The following ACTL8 variants were observed in gnomAD, a reference collection of about 807,000 sequenced individuals.
The protein encoded by ACTL8 is actin-like protein 8.
ACTL8 carries 3 observed loss-of-function variants against 9.3 expected under a neutral mutation model. The observed-to-expected ratio is 0.32, with a 90% CI of 0.15 to 0.83. The LOEUF (loss-of-function observed/expected upper bound fraction) is 0.83. Among genes scored for constraint, ACTL8 ranks in the 40% least tolerant of loss-of-function variants. The probability of loss-of-function intolerance (pLI) is 0.57; values close to 1 mark genes in which losing one functional copy is unlikely to be tolerated. For missense variants in ACTL8, 381 were observed against 492.2 expected, an observed-to-expected ratio of 0.77 and a Z score of 2.14; for synonymous variants, 224 against 205.9, an observed-to-expected ratio of 1.09 and a Z score of -0.75.
chr1:17,823,507 C>G lies in ACTL8; in HGVS notation c.348+151C>G. Reference sequence around the variant, plus strand: ...CCTGTAATCCCAACACTTTGGGACTCCCAGGCAGGCAGATTGCTTGAGCCC... The same window carrying G: ...CCTGTAATCCCAACACTTTGGGACTGCCAGGCAGGCAGATTGCTTGAGCCC... On this transcript the variant is annotated intron_variant, in intron 2 of 2. Transcript: ENST00000375406. This position sits in a 1 kb window ranked among gnomAD's most constrained non-coding sequence, Gnocchi z 5.3. 2 of 747,474 alleles carry G rather than the reference C, an allele frequency of 2.7e-6. No homozygotes were observed. Among genetic ancestry groups the G allele is most frequent in the South Asian group, 3.8e-5 (2 of 53,234 alleles). 46.3% of individuals were successfully genotyped at this position (747,474 alleles called of 1,614,324 possible). A position where few individuals can be genotyped will look rare whatever the true frequency, so the allele number is the denominator to read the frequency against.
intron 1 of ACTL8, among the ~76,000 whole-genome samples, chr1:17,817,077 G>A (rs945927667): frequency 6.6e-6 from 1 of 151,504 alleles, no homozygotes; most frequent in Non-Finnish European, 1.5e-5. Context: ...TTTTTTATTT[G>A]TTTTTTCATT....
At chr1:17,758,213 G>T (rs1015521765) in intron 1 of ACTL8, among the ~76,000 whole-genome samples, 1 of 152,184 alleles carries the variant, frequency 6.6e-6, no homozygotes, top group Non-Finnish European at 1.5e-5. Context: ...AGCAGATACC[G>T]AGGGGCAGCA....
Position 17,799,660 on chromosome 1 carries a change from C to T in ACTL8, c.-24-23325C>T, listed in dbSNP as rs575344328. On this transcript the variant is annotated intron_variant, in intron 1 of 2. Transcript: ENST00000375406. ...TGCCTTCTGTCTTGTTTTTAGAAGT[C>T]CTTCCCTTTACCAAGACCAAAAAAA... Among the ~76,000 whole-genome samples the T allele has an allele frequency of 2.6e-5, 4 of 151,964 alleles. No individual in the cohort carries two copies. The South Asian group carries it at 8.3e-4, about 32-fold the overall frequency.
At chr1:17,757,565 C>G (rs952926284) in intron 1 of ACTL8, among the ~76,000 whole-genome samples, 1 of 139,078 alleles carries the variant, frequency 7.2e-6, no homozygotes, top group African/African-American at 2.7e-5. Flanking sequence ...GTTAAGAAAC[C>G]CTGTGATAAT....
intron 1 of ACTL8, among the ~76,000 whole-genome samples, chr1:17,788,812 G>A (rs1042739522): frequency 1.3e-5 from 2 of 152,202 alleles, no homozygotes; most frequent in African/African-American, 4.8e-5. Context: ...CCACCATAGC[G>A]GGGATGTTGG....
At chr1:17,768,344 G>C (rs2066060715) in intron 1 of ACTL8, among the ~76,000 whole-genome samples, 1 of 152,216 alleles carries the variant, frequency 6.6e-6, no homozygotes, top group Non-Finnish European at 1.5e-5. Flanking sequence ...GGCGAGGCCT[G>C]GCCTGGCAGT....
chr1:17,808,695 G>A (rs1221258064), intron 1 of ACTL8, among the ~76,000 whole-genome samples: 1 of 152,200 alleles, frequency 6.6e-6, no homozygotes, highest in Non-Finnish European at 1.5e-5. Context: ...GATTCATAGT[G>A]GTCCGTGGAG....
chr1:17,799,964 C>T (rs908642625), intron 1 of ACTL8, among the ~76,000 whole-genome samples: 6 of 152,070 alleles, frequency 3.9e-5, no homozygotes, highest in African/African-American at 1.2e-4. Flanking sequence ...TGTTTTTATA[C>T]GAATGTCTTA....
intron 1 of ACTL8, among the ~76,000 whole-genome samples, chr1:17,772,877 TTG>T (rs1227572021): frequency 1.3e-5 from 2 of 152,002 alleles, no homozygotes; most frequent in East Asian, 3.9e-4. Flanking sequence ...TAATGAGGTC[TTG>T]TGAGTACCTC....
At chr1:17,787,569 C>G (rs1223467384) in intron 1 of ACTL8, among the ~76,000 whole-genome samples, 1 of 152,204 alleles carries the variant, frequency 6.6e-6, no homozygotes, top group Non-Finnish European at 1.5e-5. Context: ...CCGCGCCAGG[C>G]CTCTAGTGCA....
chr1:17,791,462 G>A (rs2066238753), intron 1 of ACTL8, among the ~76,000 whole-genome samples: 1 of 152,230 alleles, frequency 6.6e-6, no homozygotes, highest in Non-Finnish European at 1.5e-5. Flanking sequence ...TTTGAACACA[G>A]GTCTGTGTGA....
At chr1:17,771,461 TG>T (rs2066082640) in intron 1 of ACTL8, among the ~76,000 whole-genome samples, 1 of 152,228 alleles carries the variant, frequency 6.6e-6, no homozygotes, top group South Asian at 2.1e-4. Flanking sequence ...GATATTACCT[TG>T]ATCTTTATCA....
intron 1 of ACTL8, among the ~76,000 whole-genome samples, chr1:17,772,428 G>A (rs1316077920): frequency 1.3e-5 from 2 of 152,002 alleles, no homozygotes; most frequent in South Asian, 2.1e-4. Context: ...TCCTAAAGTC[G>A]GTTTCTCCCC....
chr1:17,816,565 T>A (rs1385135937), intron 1 of ACTL8, among the ~76,000 whole-genome samples: 1 of 152,238 alleles, frequency 6.6e-6, no homozygotes, highest in Non-Finnish European at 1.5e-5. Flanking sequence ...GACTCTGTGT[T>A]CTTTTAACAT....
intron 1 of ACTL8, among the ~76,000 whole-genome samples, chr1:17,778,951 G>A (rs76611354): frequency 8.9e-4 from 136 of 152,230 alleles, no homozygotes; most frequent in Non-Finnish European, 1.7e-3. Flanking sequence ...GGCCCGACCC[G>A]GGTCATGAGA....
chr1:17,770,918 C>G (rs904001590), intron 1 of ACTL8, among the ~76,000 whole-genome samples: 14 of 152,112 alleles, frequency 9.2e-5, no homozygotes, highest in Non-Finnish European at 1.8e-4. Context: ...GGGTTTGGAT[C>G]CTGGCTTCAC....
rs556730107 is a variant in ACTL8 at position 17,784,834 on chromosome 1, A to T, written c.-25+29330A>T. Among the ~76,000 whole-genome samples, 10 of 152,336 alleles carry T rather than the reference A, an allele frequency of 6.6e-5. No individual in the cohort carries two copies. The South Asian group carries it at 1.9e-3, about 28-fold the overall frequency. ...GGGTACTGTATTAGTCCGTTTGCAC[A>T]CTGCTGATAAAGACATACCCGAGAC... On this transcript the variant is annotated intron_variant, in intron 1 of 2. Coordinates refer to ENST00000375406, the MANE Select transcript of ACTL8 (RefSeq NM_030812.3).
intron 1 of ACTL8, among the ~76,000 whole-genome samples, chr1:17,799,034 C>T (rs7553237): frequency 0.16 from 24,935 of 152,178 alleles, 2,796 homozygotes; most frequent in African/African-American, 0.31. Context: ...CTAAGCGATG[C>T]CCACTTTGGT....
intron 1 of ACTL8, among the ~76,000 whole-genome samples, chr1:17,799,953 C>G (rs1340173298): frequency 2.0e-5 from 3 of 151,888 alleles, no homozygotes; most frequent in Non-Finnish European, 2.9e-5. Flanking sequence ...GTTGGTCTGT[C>G]TGTTTTTATA....
Sources: allele counts gnomAD v4.1 joint callset (sites outside exome capture counted in the v4.1 genomes callset), GRCh38; gene constraint gnomAD v4.1.1; non-coding constraint Gnocchi (gnomAD v3.1); transcripts MANE v1.5; gene names NCBI Gene and HGNC (gene_info 2026-07-23, HGNC 2026-07-21).